Variants in SERPINE3 observed in about 807,000 individuals in gnomAD.
SERPINE3 encodes the protein serpin family E member 3.
Under a neutral mutation model 41.7 loss-of-function variants are expected in SERPINE3, and 43 were observed. That is an observed-to-expected ratio of 1.03 (90% CI 0.81 to 1.33). SERPINE3 has a LOEUF of 1.33. Among genes scored for constraint, SERPINE3 ranks in the 40% most tolerant of loss-of-function variants. SERPINE3 has a pLI of 0.00. For missense variants in SERPINE3, 440 were observed against 491.7 expected (o/e 0.89, Z 0.99); for synonymous variants, 200 against 192.2 (o/e 1.04, Z -0.34).
rs187717995 is a variant in SERPINE3, at chr13:51,359,543, T to C, written c.1001-1735T>C. Among the ~76,000 whole-genome samples, 477 of 152,210 alleles carry C rather than the reference T, an allele frequency of 3.1e-3. 4 individuals carry two copies. Among genetic ancestry groups the C allele is most frequent in the African/African-American group, 0.011 (449 of 41,524 alleles). ...CTCTTCAGTTGCAGTTTCAAAATAC[T>C]GAAATAGCCTGGCCCATCTAACCAG... is the stretch of plus-strand genomic sequence containing the variant. On this transcript the variant is annotated intron_variant, in intron 7 of 9. Transcript: ENST00000681248.
At chr13:51,342,078 G>A (rs1216519365) in intron 3 of SERPINE3, among the ~76,000 whole-genome samples, 2 of 151,108 alleles carry the variant, frequency 1.3e-5, no homozygotes, top group African/African-American at 4.9e-5. Context: ...CTCAATGCCT[G>A]GCCTCAGAAC....
intron 6 of SERPINE3, among the ~76,000 whole-genome samples, chr13:51,350,637 T>A (rs556329684): frequency 1.7e-3 from 266 of 152,244 alleles, no homozygotes; most frequent in Non-Finnish European, 2.9e-3. Context: ...TTTTAAAAAA[T>A]CAAGATATAA....
At chr13:51,345,292 G>A (rs1424332957) in intron 4 of SERPINE3, among the ~76,000 whole-genome samples, 4 of 152,176 alleles carry the variant, frequency 2.6e-5, no homozygotes, top group Non-Finnish European at 4.4e-5. Context: ...CATTTCAAAA[G>A]TTTCATAGCA....
chr13:51,364,471 A>T lies in SERPINE3; in HGVS notation c.*189A>T, dbSNP rs748306259. The stretch of plus-strand genomic sequence containing the variant: ...AGTTTATTTTGCCTACTCTTAATCC[A>T]AATCTATTTTGACCTTCTTTTCTAC... On this transcript the variant is annotated 3_prime_UTR_variant, in exon 10 of 10. Transcript: ENST00000681248. The T allele has an allele frequency of 4.1e-6, 2 of 485,340 alleles. No individual in the cohort carries two copies. The highest frequency in any genetic ancestry group is 7.2e-6 in the Non-Finnish European group (2 of 276,452). 30.1% of individuals were successfully genotyped at this position (485,340 alleles called of 1,614,324 possible).
intron 7 of SERPINE3, among the ~76,000 whole-genome samples, chr13:51,358,243 G>C (rs1382414741): frequency 6.6e-6 from 1 of 152,008 alleles, no homozygotes; most frequent in Non-Finnish European, 1.5e-5. Context: ...AGCAAGTTCT[G>C]GCAATAACAT....
At chr13:51,356,782 CT>C (rs10563020) in intron 7 of SERPINE3, among the ~76,000 whole-genome samples, 65,114 of 146,742 alleles carry the variant, frequency 0.44, 14,731 homozygotes, top group African/African-American at 0.6. Flanking sequence ...GATACGAAAC[CT>C]TTTTTTTTTT....
intron 6 of SERPINE3, among the ~76,000 whole-genome samples, chr13:51,354,768 G>A (rs1469714093): frequency 6.6e-6 from 1 of 152,174 alleles, no homozygotes; most frequent in East Asian, 1.9e-4. Context: ...GAAAAGAGGA[G>A]GAGGTAACAA....
intron 6 of SERPINE3, among the ~76,000 whole-genome samples, chr13:51,353,532 C>A (rs1001172741): frequency 2.0e-5 from 3 of 152,170 alleles, no homozygotes; most frequent in South Asian, 4.1e-4. Flanking sequence ...CAAACTCAGG[C>A]ATTGGATTCC....
chr13:51,364,381 A>G lies in SERPINE3; in HGVS notation c.*99A>G. 3.1e-6 allele frequency: 2 copies of G among 650,884 alleles called. No individual in the cohort carries two copies. The highest frequency in any genetic ancestry group is 5.1e-6 in the Non-Finnish European group (2 of 394,614). The allele number at this position is 650,884 out of a possible 1,614,324, so 40.3% of individuals were successfully genotyped here. On this transcript the variant is annotated 3_prime_UTR_variant, in exon 10 of 10. Transcript: ENST00000681248. ...TAAAAAAATGTCTGATAAAGTGTAAAAAGCTAAGGGTATGTGATTTTCAAT... is the reference window on the plus strand; with the variant it reads ...TAAAAAAATGTCTGATAAAGTGTAAGAAGCTAAGGGTATGTGATTTTCAAT...
chr13:51,350,478 C>A (rs972579920), intron 6 of SERPINE3, among the ~76,000 whole-genome samples: 1 of 152,020 alleles, frequency 6.6e-6, no homozygotes, highest in African/African-American at 2.4e-5. Context: ...ACATAGAAGG[C>A]TGAGCATGAG....
Position 51,344,445 on chromosome 13 carries a change from C to T in SERPINE3, c.450C>T (p.Thr150=), listed in dbSNP as rs761180124. 8.7e-6 allele frequency: 14 copies of T among 1,604,216 alleles called. No homozygotes were observed. In the Admixed American group the frequency reaches 1.0e-4, roughly 12 times the overall value. ...EPADLSEPNS[T]AIQTSEGASR... ...CCGACCTCAGTGAGCCCAATAGCAC[C>T]GCCATCCAGACTAGCGAAGGGGCCT... Residue 150 remains threonine (T), a synonymous_variant, in exon 4 of 10, where the codon ACC becomes ACT. Coordinates refer to ENST00000681248, the MANE Select transcript of SERPINE3 (RefSeq NM_001386375.1).
intron 9 of SERPINE3, 86 bp from the exon 10 acceptor site, chr13:51,364,153 A>G: frequency 1.7e-6 from 1 of 602,826 alleles, no homozygotes; most frequent in East Asian, 3.1e-5. Context: ...TGCATTACTT[A>G]AAAGTATTTG....
In SERPINE3 at chr13:51,341,168, T is replaced by A; in HGVS notation, c.77T>A (p.Met26Lys). 6.2e-7 allele frequency: 1 copy of A among 1,614,022 alleles called. No homozygotes were observed. The highest frequency in any genetic ancestry group is 1.1e-5 in the South Asian group (1 of 91,084). Residue 26 changes from methionine (M) to lysine (K), a missense_variant, in exon 3 of 10, where the codon ATG becomes AAG. Transcript: ENST00000681248. ...GCAAATGGCCACCTCCGTGAAGGAA[T>A]GACATTGCTGAAGACTGAGTTTGCA... ...LRANGHLREG[M>K]TLLKTEFALH...
At chr13:51,347,429 C>T (rs1333137773) in intron 5 of SERPINE3, among the ~76,000 whole-genome samples, 195 bp downstream of exon 5, 1 of 152,164 alleles carries the variant, frequency 6.6e-6, no homozygotes, top group African/African-American at 2.4e-5. Context: ...GGACAGTGTG[C>T]TCTGACAGGA....
At position 51,344,378 on chromosome 13, in the gene SERPINE3, TG is replaced by T; in HGVS notation, c.385del (p.Glu129SerfsTer61). The T allele has an allele frequency of 4.3e-6, 7 of 1,613,258 alleles. No individual in the cohort carries two copies. The highest frequency in any genetic ancestry group is 5.9e-6 in the Non-Finnish European group (7 of 1,179,650). ...GGAACGCCACTGTCCCCCTGCTTTG[TG>T]GAGCACGTCTCCTGGTGGGCTAACA... Reference protein sequence around the residue: ...QVGTPLSPCFVEHVSWWANSS... With the variant: ...QVGTPLSPCFXEHVSWWANSS... On this transcript the variant is annotated frameshift_variant, in exon 4 of 10. Coordinates refer to ENST00000681248, the MANE Select transcript of SERPINE3 (RefSeq NM_001386375.1). LOFTEE classifies it high-confidence loss of function.
chr13:51,348,584 T>C (rs1472128927), intron 6 of SERPINE3, 173 bp downstream of exon 6: 1 of 599,172 alleles, frequency 1.7e-6, no homozygotes, highest in South Asian at 2.0e-5. Flanking sequence ...TTGAGTTCAT[T>C]TCAGAGCCAC....
At chr13:51,351,827 G>A (rs1160413331) in intron 6 of SERPINE3, among the ~76,000 whole-genome samples, 1 of 152,010 alleles carries the variant, frequency 6.6e-6, no homozygotes, top group Non-Finnish European at 1.5e-5. Context: ...ATAGTATGAG[G>A]TAGGGATTCA....
intron 7 of SERPINE3, among the ~76,000 whole-genome samples, chr13:51,357,241 A>G (rs1955494280): frequency 6.6e-6 from 1 of 152,202 alleles, no homozygotes; most frequent in Admixed American, 6.6e-5. Context: ...CTCTGCCCAA[A>G]TGGGCTTTCA....
intron 6 of SERPINE3, among the ~76,000 whole-genome samples, chr13:51,353,787 T>C (rs1241977714): frequency 6.6e-6 from 1 of 152,250 alleles, no homozygotes; most frequent in Non-Finnish European, 1.5e-5. Context: ...TGAAGACCTT[T>C]GATATTAAAT....
Sources: allele counts gnomAD v4.1 joint callset (sites outside exome capture counted in the v4.1 genomes callset), GRCh38; gene constraint gnomAD v4.1.1; transcripts MANE v1.5; gene names NCBI Gene and HGNC (gene_info 2026-07-23, HGNC 2026-07-21).